KAZN: variants seen among roughly 807,000 people sequenced by gnomAD.
KAZN encodes the protein kazrin, periplakin interacting protein, also known as kazrin.
KAZN carries 40 observed loss-of-function variants against 87.4 expected under a neutral mutation model. The ratio of observed to expected loss-of-function variants is 0.46; its 90% CI spans 0.36 to 0.60. The LOEUF (loss-of-function observed/expected upper bound fraction) is 0.60. KAZN is among the 20% of genes least tolerant of loss of function. KAZN has a pLI of 0.00. For missense variants in KAZN, 898 were observed against 1,073.9 expected (o/e 0.84, Z 2.29); for synonymous variants, 466 against 458.3 (o/e 1.02, Z -0.22).
At chr1:15,038,275 A>C (rs1358260728) in intron 3 of KAZN, among the ~76,000 whole-genome samples, 2 of 152,056 alleles carry the variant, frequency 1.3e-5, no homozygotes, top group African/African-American at 4.8e-5. Flanking sequence ...AGAAAGAAAA[A>C]AAAAAGCAAG....
At chr1:14,345,416 G>C (rs180688399) in intron 2 of KAZN, among the ~76,000 whole-genome samples, 1 of 152,168 alleles carries the variant, frequency 6.6e-6, no homozygotes, top group African/African-American at 2.4e-5. Context: ...AAAATTTCCA[G>C]TAGCCACATC....
chr1:14,210,703 T>A (rs1345201872), intron 2 of KAZN, among the ~76,000 whole-genome samples: 1 of 152,202 alleles, frequency 6.6e-6, no homozygotes, highest in African/African-American at 2.4e-5. Context: ...TTTGAAATGT[T>A]TATTTATTTT....
chr1:14,336,502 T>C (rs187018324), intron 2 of KAZN, among the ~76,000 whole-genome samples: 36 of 152,352 alleles, frequency 2.4e-4, no homozygotes, highest in Admixed American at 4.6e-4. Context: ...TGTCATATGC[T>C]AATTCTATGG....
At chr1:14,669,916 T>C (rs1376527270) in intron 1 of KAZN, among the ~76,000 whole-genome samples, 1 of 152,140 alleles carries the variant, frequency 6.6e-6, no homozygotes, top group Non-Finnish European at 1.5e-5. Context: ...GTACCGCCAA[T>C]CTATCAGAGG....
chr1:14,876,862 A>C, intron 1 of KAZN, among the ~76,000 whole-genome samples: 1 of 152,230 alleles, frequency 6.6e-6, no homozygotes, highest in East Asian at 1.9e-4. Context: ...AGAATACTGC[A>C]AAGTCATCTA....
At position 14,466,657 on chromosome 1, in the gene KAZN, AT is replaced by A. The variant is rs200429347; in HGVS notation, c.250-132323del. On this transcript the variant is annotated intron_variant, in intron 2 of 16. Coordinates refer to the KAZN transcript ENST00000636203. ...ACATGTACCCCAAACTTAAAACTAA[AT>A]TTAAAAAAAAAAAAAAAGAAGAAGA... 5.8e-3 allele frequency among the ~76,000 whole-genome samples: 491 copies of A among 84,778 alleles called. 2 individuals carry two copies. Among genetic ancestry groups the A allele is most frequent in the Admixed American group, 0.013 (104 of 8,312 alleles). The allele number at this position is 84,778 out of a possible 152,430, so 55.6% of individuals were successfully genotyped here.
chr1:15,067,053 T>C, intron 8 of KAZN: 3 of 985,692 alleles, frequency 3.0e-6, no homozygotes, highest in Non-Finnish European at 3.6e-6. Flanking sequence ...AGTGGGACCC[T>C]GGCCTGAGTC....
chr1:14,370,830 A>C (rs1660419838), intron 2 of KAZN, among the ~76,000 whole-genome samples: 3 of 152,126 alleles, frequency 2.0e-5, no homozygotes, highest in South Asian at 4.1e-4. Context: ...GACTACGGGC[A>C]TGTGCTACCA....
intron 1 of KAZN, among the ~76,000 whole-genome samples, chr1:14,817,474 G>T (rs1377388471): frequency 6.6e-6 from 1 of 152,158 alleles, no homozygotes; most frequent in African/African-American, 2.4e-5. Flanking sequence ...TAAACCACAA[G>T]ATAGCGTGAT....
chr1:14,482,278 G>C (rs781738094), intron 2 of KAZN, among the ~76,000 whole-genome samples: 1 of 152,198 alleles, frequency 6.6e-6, no homozygotes, highest in African/African-American at 2.4e-5. Flanking sequence ...TGACTGGGGA[G>C]CCAGGGCCCA....
intron 2 of KAZN, among the ~76,000 whole-genome samples, chr1:14,452,113 T>A (rs989868030): frequency 6.6e-6 from 1 of 152,022 alleles, no homozygotes; most frequent in Non-Finnish European, 1.5e-5. Context: ...CTAATTTTTG[T>A]ATTTTTAGAA....
intron 1 of KAZN, among the ~76,000 whole-genome samples, chr1:14,849,260 TCACTGCCACA>T (rs1352339189): frequency 6.6e-6 from 1 of 152,128 alleles, no homozygotes; most frequent in African/African-American, 2.4e-5. Flanking sequence ...AGTCGCAGGG[TCACTGCCACA>T]CTGAGGTTCC....
chr1:14,168,049 GTAAGGTT>G (rs1223517826), intron 1 of KAZN, among the ~76,000 whole-genome samples: 8 of 152,200 alleles, frequency 5.3e-5, no homozygotes, highest in Admixed American at 2.0e-4. Flanking sequence ...TTCTGTCACT[GTAAGGTT>G]GACATGTCCT....
At chr1:14,487,363 G>T (rs1669404126) in intron 2 of KAZN, among the ~76,000 whole-genome samples, 1 of 152,164 alleles carries the variant, frequency 6.6e-6, no homozygotes, top group Admixed American at 6.5e-5. Flanking sequence ...GAGTTAACTT[G>T]TATTCACTAT....
chr1:14,328,967 T>A (rs550862510), intron 2 of KAZN, among the ~76,000 whole-genome samples: 1 of 152,174 alleles, frequency 6.6e-6, no homozygotes, highest in Non-Finnish European at 1.5e-5. Context: ...ATAGAACTCA[T>A]ATTCAGTTCT....
chr1:14,164,290 G>A (rs1432504067), intron 1 of KAZN, among the ~76,000 whole-genome samples: 1 of 152,146 alleles, frequency 6.6e-6, no homozygotes, highest in African/African-American at 2.4e-5. Flanking sequence ...GCTAGTCTGA[G>A]GCTAGAAGAT....
chr1:13,947,796 C>T (rs1339129296), intron 1 of KAZN, among the ~76,000 whole-genome samples: 1 of 152,176 alleles, frequency 6.6e-6, no homozygotes, highest in Non-Finnish European at 1.5e-5. Flanking sequence ...GATCTTCCGT[C>T]TGTGTGTGCC....
chr1:14,860,490 C>T (rs1179262339), intron 1 of KAZN, among the ~76,000 whole-genome samples: 3 of 152,182 alleles, frequency 2.0e-5, no homozygotes, highest in East Asian at 1.9e-4. Flanking sequence ...CCACCACGCC[C>T]GGACAGGATA....
chr1:14,916,031 A>G (rs1374377060), intron 1 of KAZN, among the ~76,000 whole-genome samples: 1 of 152,182 alleles, frequency 6.6e-6, no homozygotes, highest in Non-Finnish European at 1.5e-5. Flanking sequence ...GGGGATGATA[A>G]TAATAGTACA....
Sources: allele counts gnomAD v4.1 joint callset (sites outside exome capture counted in the v4.1 genomes callset), GRCh38; gene constraint gnomAD v4.1.1; transcripts MANE v1.5; gene names NCBI Gene and HGNC (gene_info 2026-07-23, HGNC 2026-07-21).